KATNIP: variants seen among roughly 807,000 people sequenced by gnomAD.
KATNIP encodes the protein katanin interacting protein, also known as katanin-interacting protein.
KATNIP carries 126 observed loss-of-function variants against 174.0 expected under a neutral mutation model. The ratio of observed to expected loss-of-function variants is 0.72; its 90% CI spans 0.63 to 0.84. The LOEUF (loss-of-function observed/expected upper bound fraction) is 0.84, where lower values mean the gene tolerates loss of function less well. KATNIP is among the 40% of genes least tolerant of loss of function. The pLI, the probability that KATNIP is intolerant of heterozygous loss-of-function variation, is 0.00. For synonymous variants in KATNIP, 810 were observed against 835.7 expected (o/e 0.97, Z 0.53); for missense variants, 1,958 against 2,109.7 (o/e 0.93, Z 1.41).
intron 2 of KATNIP, among the ~76,000 whole-genome samples, chr16:27,587,994 G>A (rs921454113): frequency 1.3e-5 from 2 of 149,094 alleles, no homozygotes; most frequent in Non-Finnish European, 3.0e-5. Flanking sequence ...CGGCTCAAGT[G>A]ATCCTCTCAC....
At chr16:27,769,770 ACAGCTGCCAG>A in intron 20 of KATNIP, 81 bp from the exon 21 acceptor site, 1 of 1,473,690 alleles carries the variant, frequency 6.8e-7, no homozygotes, top group Non-Finnish European at 9.3e-7. Flanking sequence ...CATGGTGAGC[ACAGCTGCCAG>A]CAGCTCCGGT....
intron 1 of KATNIP, among the ~76,000 whole-genome samples, chr16:27,556,406 G>A (rs1178010024): frequency 6.6e-6 from 1 of 151,946 alleles, no homozygotes; most frequent in Non-Finnish European, 1.5e-5. Flanking sequence ...AATATGAAAT[G>A]GTTTAGGAAA....
intron 1 of KATNIP, among the ~76,000 whole-genome samples, chr16:27,557,292 C>G (rs527411918): frequency 6.6e-6 from 1 of 152,162 alleles, no homozygotes; most frequent in East Asian, 1.9e-4. Context: ...CAGGCACATG[C>G]CACCACGCCC....
chr16:27,734,278 T>C (rs1238162478), intron 14 of KATNIP, among the ~76,000 whole-genome samples: 1 of 151,648 alleles, frequency 6.6e-6, no homozygotes, highest in Non-Finnish European at 1.5e-5. Context: ...AGACAGCGTT[T>C]CTGGCACCTC....
At position 27,773,007 on chromosome 16, in the gene KATNIP, A is replaced by T; in HGVS notation, c.4199-92A>T. On this transcript the variant is annotated intron_variant, in intron 22 of 27. Coordinates refer to ENST00000261588, the MANE Select transcript of KATNIP (RefSeq NM_015202.5). ...TGTTTTTCTCTCATTCATCAACATA[A>T]ACCCAAAACAATTCCTCTTATCTTT... The T allele has an allele frequency of 7.0e-6, 5 of 715,546 alleles. No homozygotes were observed. The South Asian group carries it at 8.9e-5, about 13-fold the overall frequency. The allele number at this position is 715,546 out of a possible 1,614,324, so 44.3% of individuals were successfully genotyped here. A position where few individuals can be genotyped will look rare whatever the true frequency, so the allele number is the denominator to read the frequency against.
intron 2 of KATNIP, among the ~76,000 whole-genome samples, chr16:27,583,126 A>G (rs916525032): frequency 1.3e-5 from 2 of 152,200 alleles, no homozygotes; most frequent in South Asian, 2.1e-4. Context: ...AAGAGAATCA[A>G]TTTCTGATAA....
At chr16:27,673,289 G>A (rs76006911) in intron 6 of KATNIP, among the ~76,000 whole-genome samples, 3,373 of 152,222 alleles carry the variant, frequency 0.022, 138 homozygotes, top group African/African-American at 0.076. Context: ...TTATTCTACC[G>A]TAAAGGATTA....
chr16:27,574,812 A>T (rs2090439603), intron 2 of KATNIP, among the ~76,000 whole-genome samples: 1 of 124,666 alleles, frequency 8.0e-6, no homozygotes, highest in Admixed American at 8.1e-5. Context: ...CAGTCTCCCA[A>T]AGTGCTGGGA....
At chr16:27,705,900 A>AC (rs1331506437) in intron 12 of KATNIP, among the ~76,000 whole-genome samples, 2 of 152,042 alleles carry the variant, frequency 1.3e-5, no homozygotes, top group East Asian at 3.9e-4. Context: ...CTGGTCTTGA[A>AC]CTTCTGGGCT....
At chr16:27,722,789 C>G (rs1323152357) in intron 14 of KATNIP, among the ~76,000 whole-genome samples, 1 of 152,238 alleles carries the variant, frequency 6.6e-6, no homozygotes, top group East Asian at 1.9e-4. Context: ...GAATACCAGC[C>G]AGTTCTGCTA....
At chr16:27,633,083 AG>A (rs905792574) in intron 5 of KATNIP, among the ~76,000 whole-genome samples, 2 of 152,080 alleles carry the variant, frequency 1.3e-5, no homozygotes, top group African/African-American at 2.4e-5. Context: ...CCCTTAGAAA[AG>A]AAAGCCTCCT....
intron 6 of KATNIP, among the ~76,000 whole-genome samples, chr16:27,673,647 A>G (rs562972150): frequency 1.3e-5 from 2 of 152,300 alleles, no homozygotes; most frequent in South Asian, 4.1e-4. Flanking sequence ...ATAGATCCCA[A>G]TAGGACACCT....
chr16:27,681,797 A>C (rs953400084), intron 8 of KATNIP, among the ~76,000 whole-genome samples: 1 of 152,206 alleles, frequency 6.6e-6, no homozygotes, highest in African/African-American at 2.4e-5. Flanking sequence ...TCAGAGGTGA[A>C]GTCCAAGGCA....
chr16:27,646,919 C>G (rs1286706143), intron 5 of KATNIP, among the ~76,000 whole-genome samples: 1 of 152,222 alleles, frequency 6.6e-6, no homozygotes, highest in Non-Finnish European at 1.5e-5. Context: ...TCCCACCTCC[C>G]CATTGCAGCT....
rs1418068139 is a variant in KATNIP at position 27,766,266 on chromosome 16, C to G, written c.3810-43C>G. 9 of 1,603,332 alleles carry G rather than the reference C, an allele frequency of 5.6e-6. 1 individual carries two copies. In the East Asian group the frequency reaches 2.0e-4, roughly 36 times the overall value. On this transcript the variant is annotated intron_variant, in intron 19 of 27. Transcript: ENST00000261588. ...GGGCCCCACTGTGATGCCTCCTGTG[C>G]CCACTGAGCCGCCCCCCTGCCGCTC...
chr16:27,571,772 C>G (rs12448609), intron 1 of KATNIP, among the ~76,000 whole-genome samples: 16,263 of 152,262 alleles, frequency 0.11, 1,143 homozygotes, highest in Admixed American at 0.19. Context: ...AGGGACAGTC[C>G]CTTCGCTCTG....
At chr16:27,733,809 A>T (rs919224523) in intron 14 of KATNIP, among the ~76,000 whole-genome samples, 7 of 152,170 alleles carry the variant, frequency 4.6e-5, no homozygotes, top group Non-Finnish European at 8.8e-5. Flanking sequence ...GATGTCCTTT[A>T]TACAGAGCTG....
At chr16:27,552,332 T>C (rs1026788379) in intron 1 of KATNIP, among the ~76,000 whole-genome samples, 1 of 152,000 alleles carries the variant, frequency 6.6e-6, no homozygotes, top group Non-Finnish European at 1.5e-5. Flanking sequence ...GTAGACACTC[T>C]CCTTTCATAC....
intron 15 of KATNIP, among the ~76,000 whole-genome samples, chr16:27,748,229 G>C (rs992912835): frequency 1.3e-5 from 2 of 152,212 alleles, no homozygotes; most frequent in African/African-American, 4.8e-5. Context: ...ACAGGCTTTA[G>C]CCATGTGTGC....
Sources: gnomAD v4.1 joint callset for allele counts (sites outside exome capture counted in the v4.1 genomes callset) on GRCh38, gnomAD v4.1.1 for gene constraint, MANE v1.5 for transcripts, NCBI Gene and HGNC (gene_info 2026-07-23, HGNC 2026-07-21) for gene names.